The following ANK3 variants were observed in gnomAD, a reference collection of about 807,000 sequenced individuals.
ANK3 encodes ankyrin 3, also known as ankyrin-3.
A neutral mutation model predicts 370.9 loss-of-function variants in ANK3; 57 were observed. The ratio of observed to expected loss-of-function variants is 0.15; its 90% CI spans 0.12 to 0.19. The LOEUF (loss-of-function observed/expected upper bound fraction) is 0.19, where lower values mean the gene tolerates loss of function less well. ANK3 is among the 10% of genes least tolerant of loss of function. The probability of loss-of-function intolerance (pLI) is 1.00; values close to 1 mark genes in which losing one functional copy is unlikely to be tolerated. For missense variants in ANK3, 4,439 were observed against 5,302.1 expected (o/e 0.84, Z 5.06); for synonymous variants, 1,929 against 1,946.3 (o/e 0.99, Z 0.23).
intron 1 of ANK3, among the ~76,000 whole-genome samples, chr10:60,649,600 A>G (rs1467891438): frequency 1.3e-5 from 2 of 152,228 alleles, no homozygotes; most frequent in Non-Finnish European, 2.9e-5. Flanking sequence ...AGTTCTCCCA[A>G]TTGAGTAGGC....
intron 2 of ANK3, among the ~76,000 whole-genome samples, chr10:60,461,856 T>C (rs2064891859): frequency 6.6e-6 from 1 of 152,174 alleles, no homozygotes; most frequent in Non-Finnish European, 1.5e-5. Flanking sequence ...TTAATCCCTC[T>C]TCTGCAATCA....
intron 1 of ANK3, chr10:60,684,656 C>T: frequency 1.3e-6 from 2 of 1,588,742 alleles, no homozygotes; most frequent in Non-Finnish European, 1.7e-6. Flanking sequence ...ACCGTACCTA[C>T]CAAAGCATTT....
chr10:60,522,216 G>A (rs1230258392), intron 2 of ANK3, among the ~76,000 whole-genome samples: 2 of 151,998 alleles, frequency 1.3e-5, no homozygotes, highest in African/African-American at 2.4e-5. Context: ...CAACCCACAA[G>A]CGCCTCCGTT....
At chr10:60,571,055 GTTTT>G (rs35835220) in intron 2 of ANK3, among the ~76,000 whole-genome samples, 2 of 133,546 alleles carry the variant, frequency 1.5e-5, no homozygotes, top group Non-Finnish European at 3.2e-5. Context: ...AACCTGACAG[GTTTT>G]TTTTTTTTTT....
intron 1 of ANK3, among the ~76,000 whole-genome samples, chr10:60,664,521 C>A (rs1468603421): frequency 6.6e-6 from 1 of 152,100 alleles, no homozygotes; most frequent in Non-Finnish European, 1.5e-5. Context: ...TTGTTTCATG[C>A]AAAGTTAGCC....
chr10:60,119,873 C>T (rs1236037157), intron 25 of ANK3, among the ~76,000 whole-genome samples: 1 of 152,016 alleles, frequency 6.6e-6, no homozygotes, highest in Admixed American at 6.6e-5. Flanking sequence ...AAATATTTAA[C>T]AGTATGTCCA....
intron 1 of ANK3, among the ~76,000 whole-genome samples, chr10:60,674,201 A>T (rs1033348149): frequency 6.6e-6 from 1 of 152,158 alleles, no homozygotes; most frequent in African/African-American, 2.4e-5. Context: ...GTGAAATAAA[A>T]TGTTTAATTT....
chr10:60,718,758 G>A (rs1326913319), intron 1 of ANK3, among the ~76,000 whole-genome samples: 1 of 151,974 alleles, frequency 6.6e-6, no homozygotes, highest in Non-Finnish European at 1.5e-5. Flanking sequence ...CATTCAGAGA[G>A]AAACCAAGCC....
At chr10:60,587,221 C>T (rs2077844837) in intron 2 of ANK3, among the ~76,000 whole-genome samples, 1 of 152,088 alleles carries the variant, frequency 6.6e-6, no homozygotes, top group Non-Finnish European at 1.5e-5. Context: ...GGGGAAACTG[C>T]CCCCATGGTC....
At chr10:60,674,480 G>A (rs575824143) in intron 1 of ANK3, among the ~76,000 whole-genome samples, 31 of 152,136 alleles carry the variant, frequency 2.0e-4, no homozygotes, top group African/African-American at 7.5e-4. Context: ...CAGATCTCAC[G>A]TGAACTCAGA....
chr10:60,446,137 C>A (rs1454169921), intron 2 of ANK3, among the ~76,000 whole-genome samples: 1 of 152,066 alleles, frequency 6.6e-6, no homozygotes, highest in Admixed American at 6.6e-5. Context: ...TGATGGCTAG[C>A]CATTTAGAAT....
intron 1 of ANK3, among the ~76,000 whole-genome samples, chr10:60,340,943 C>T (rs535741200): frequency 6.6e-6 from 1 of 152,256 alleles, no homozygotes; most frequent in East Asian, 1.9e-4. Context: ...GATTAAAAAA[C>T]TTGCCCAAGT....
intron 1 of ANK3, among the ~76,000 whole-genome samples, chr10:60,691,088 C>T (rs2079345635): frequency 6.6e-6 from 1 of 152,090 alleles, no homozygotes; most frequent in African/African-American, 2.4e-5. Flanking sequence ...GCTATAGAGT[C>T]AATTTATGGC....
intron 1 of ANK3, among the ~76,000 whole-genome samples, chr10:60,372,551 C>T (rs1478223624): frequency 6.6e-6 from 1 of 152,128 alleles, no homozygotes; most frequent in Admixed American, 6.5e-5. Context: ...AATAAGAGAG[C>T]ATGTTCTAAC....
At chr10:60,602,061 C>T (rs1398851698) in intron 2 of ANK3, among the ~76,000 whole-genome samples, 1 of 152,066 alleles carries the variant, frequency 6.6e-6, no homozygotes, top group African/African-American at 2.4e-5. Flanking sequence ...TAATAGCTTA[C>T]ACTGGAATAG....
intron 2 of ANK3, among the ~76,000 whole-genome samples, chr10:60,558,867 T>C (rs1435558846): frequency 6.6e-6 from 1 of 152,130 alleles, no homozygotes; most frequent in Non-Finnish European, 1.5e-5. Flanking sequence ...ATTTTCTTAT[T>C]AGGGAGGAAG....
At chr10:60,147,905 GGA>G (rs1565312369) in intron 23 of ANK3, among the ~76,000 whole-genome samples, 1 of 152,128 alleles carries the variant, frequency 6.6e-6, no homozygotes, top group Non-Finnish European at 1.5e-5. Context: ...GTGTGAGAAT[GGA>G]CTAATACAAC....
intron 40 of ANK3, chr10:60,059,643 G>A (rs1262014931): frequency 1.3e-6 from 2 of 1,548,178 alleles, no homozygotes; most frequent in East Asian, 2.2e-5. Flanking sequence ...AGGCTCTGCT[G>A]GTTTAACATC....
At chr10:60,139,110 C>T (rs760308164) in intron 23 of ANK3, 23 bp from the exon 24 acceptor site, 2 of 1,605,696 alleles carry the variant, frequency 1.2e-6, no homozygotes, top group East Asian at 4.5e-5. Flanking sequence ...AGAGTAAGCC[C>T]ACATCAAAAG....
Sources: allele counts gnomAD v4.1 joint callset (sites outside exome capture counted in the v4.1 genomes callset), GRCh38; gene constraint gnomAD v4.1.1; transcripts MANE v1.5; gene names NCBI Gene and HGNC (gene_info 2026-07-23, HGNC 2026-07-21).